Variants in AK5 observed in about 807,000 individuals in gnomAD.
AK5 encodes the protein adenylate kinase isoenzyme 5.
In AK5, 27 loss-of-function variants were observed where a neutral mutation model predicts 69.5. The ratio of observed to expected loss-of-function variants is 0.39; its 90% CI spans 0.29 to 0.54. The LOEUF is 0.54. Ranked by LOEUF, AK5 falls within the 20% of genes least tolerant of loss-of-function variation. AK5 has a pLI of 0.71. For missense variants in AK5, 531 were observed against 700.4 expected (o/e 0.76, Z 2.73); for synonymous variants, 260 against 244.4 (o/e 1.06, Z -0.60).
chr1:77,489,693 A>C (rs1311696734), intron 10 of AK5, among the ~76,000 whole-genome samples: 1 of 152,230 alleles, frequency 6.6e-6, no homozygotes, highest in African/African-American at 2.4e-5. Flanking sequence ...CTAGGTTGAC[A>C]TCCTCACTAT....
rs192246757 is a variant in AK5, at chr1:77,518,794, A to G, written c.1311+67A>G. 8 of 1,501,854 alleles carry G rather than the reference A, an allele frequency of 5.3e-6. No individual in the cohort carries two copies. In the African/African-American group the frequency reaches 7.0e-5, roughly 13 times the overall value. 93.0% of individuals were successfully genotyped at this position (1,501,854 alleles called of 1,614,324 possible). ...TGGGGAGACCTTTGGGGTTTTTGTA[A>G]TGAATCTGAGCTGCTGGAACTAAGA... On this transcript the variant is annotated intron_variant, in intron 11 of 13. Coordinates refer to ENST00000354567, the MANE Select transcript of AK5 (RefSeq NM_174858.3).
At position 77,297,677 on chromosome 1, in the gene AK5, G is replaced by A. The variant is rs758239403; in HGVS notation, c.534G>A (p.Arg178=). 1 of 1,613,902 alleles carries A rather than the reference G, an allele frequency of 6.2e-7. No homozygotes were observed. Among genetic ancestry groups the A allele is most frequent in the South Asian group, 1.1e-5 (1 of 91,012 alleles). The change falls in exon 4 of 14, where the codon AGG becomes AGA. Residue 178 remains arginine, a synonymous_variant. Coordinates refer to ENST00000354567, the MANE Select transcript of AK5 (RefSeq NM_174858.3). ...AGATCCACAGTACCAGCAGCAATAG[G>A]AAATGGAGTCTTATTGCCAAGATAA... ...RKKIHSTSSN[R]KWSLIAKIIT...
At chr1:77,300,083 TA>T (rs1374708900) in intron 5 of AK5, among the ~76,000 whole-genome samples, 1 of 152,156 alleles carries the variant, frequency 6.6e-6, no homozygotes, top group Non-Finnish European at 1.5e-5. Flanking sequence ...TAAGGTGGTG[TA>T]TCAGAATCCT....
chr1:77,400,216 C>T (rs1019285709), intron 6 of AK5, among the ~76,000 whole-genome samples: 1 of 152,168 alleles, frequency 6.6e-6, no homozygotes, highest in Non-Finnish European at 1.5e-5. Flanking sequence ...TCTGCAAGTG[C>T]CCAGCTAAGA....
At chr1:77,369,616 A>G (rs1309448303) in intron 6 of AK5, among the ~76,000 whole-genome samples, 1 of 152,170 alleles carries the variant, frequency 6.6e-6, no homozygotes, top group African/African-American at 2.4e-5. Flanking sequence ...TGGCCTCTTT[A>G]TATAATCCGA....
At chr1:77,377,870 CT>C (rs1169209079) in intron 6 of AK5, among the ~76,000 whole-genome samples, 1 of 152,146 alleles carries the variant, frequency 6.6e-6, no homozygotes, top group Non-Finnish European at 1.5e-5. Flanking sequence ...GCCTTTTCCC[CT>C]AGGAGAATGC....
At chr1:77,288,689 TGAG>T (rs1490101455) in intron 2 of AK5, among the ~76,000 whole-genome samples, 2 of 152,220 alleles carry the variant, frequency 1.3e-5, no homozygotes, top group Non-Finnish European at 1.5e-5. Context: ...CCACTGCTGC[TGAG>T]AAGTAATGAG....
intron 7 of AK5, among the ~76,000 whole-genome samples, chr1:77,411,822 C>T (rs1298352120): frequency 6.6e-6 from 1 of 152,076 alleles, no homozygotes; most frequent in Non-Finnish European, 1.5e-5. Flanking sequence ...TTTGAAGCCA[C>T]CTAAGAGTAG....
chr1:77,392,339 G>T lies in AK5; in HGVS notation c.892-18642G>T, dbSNP rs542253468. Among the ~76,000 whole-genome samples, 3 of 152,162 alleles carry T rather than the reference G, an allele frequency of 2.0e-5. No homozygotes were observed. In the South Asian group the frequency reaches 6.2e-4, roughly 32 times the overall value. On this transcript the variant is annotated intron_variant, in intron 6 of 13. Coordinates refer to ENST00000354567, the MANE Select transcript of AK5 (RefSeq NM_174858.3). ...TGAGGCCTTTTTAATGAGTTGCTTAGCTCTTCTTCAGGGTAATTACTGATT... is the reference window on the plus strand; with the variant it reads ...TGAGGCCTTTTTAATGAGTTGCTTATCTCTTCTTCAGGGTAATTACTGATT...
chr1:77,401,022 A>G lies in AK5; in HGVS notation c.892-9959A>G, dbSNP rs758345969. Among the ~76,000 whole-genome samples the G allele has an allele frequency of 5.6e-4, 84 of 150,992 alleles. 1 individual carries two copies. Among genetic ancestry groups the G allele is most frequent in the Middle Eastern group, 3.5e-3 (1 of 286 alleles). Reference sequence around the variant, plus strand: ...GAATTCTCATCAAAACATGGGACTGACTCTACTTTCTCAGAGAATTGTTCC... The same window carrying G: ...GAATTCTCATCAAAACATGGGACTGGCTCTACTTTCTCAGAGAATTGTTCC... On this transcript the variant is annotated intron_variant, in intron 6 of 13. Coordinates refer to ENST00000354567, the MANE Select transcript of AK5 (RefSeq NM_174858.3).
intron 8 of AK5, among the ~76,000 whole-genome samples, chr1:77,471,587 T>G (rs1257762214): frequency 6.6e-6 from 1 of 152,200 alleles, no homozygotes; most frequent in African/African-American, 2.4e-5. Context: ...TGGAGTAGTA[T>G]GGAGTTTCAT....
At chr1:77,353,002 A>G (rs1273143854) in intron 6 of AK5, among the ~76,000 whole-genome samples, 1 of 152,146 alleles carries the variant, frequency 6.6e-6, no homozygotes, top group African/African-American at 2.4e-5. Context: ...CTTCTCAGAG[A>G]TTCTTCAAGT....
intron 5 of AK5, among the ~76,000 whole-genome samples, chr1:77,319,494 A>T (rs2100319552): frequency 6.6e-6 from 1 of 152,278 alleles, no homozygotes; most frequent in Middle Eastern, 3.4e-3. Flanking sequence ...TTGTTCAATG[A>T]CTGTGTCTTC....
chr1:77,293,164 G>C (rs181051411), intron 2 of AK5, among the ~76,000 whole-genome samples: 1 of 152,240 alleles, frequency 6.6e-6, no homozygotes, highest in Admixed American at 6.5e-5. Context: ...GGAATTGTTT[G>C]CACCCTCCTA....
At chr1:77,450,253 T>C (rs1036829283) in intron 8 of AK5, among the ~76,000 whole-genome samples, 4 of 152,184 alleles carry the variant, frequency 2.6e-5, no homozygotes, top group African/African-American at 9.7e-5. Flanking sequence ...TTTCCTGTCT[T>C]CTTCTGAGCC....
intron 5 of AK5, among the ~76,000 whole-genome samples, chr1:77,326,057 T>C (rs999537319): frequency 6.6e-6 from 1 of 152,178 alleles, no homozygotes; most frequent in Non-Finnish European, 1.5e-5. Context: ...TAAAGATATA[T>C]TATCAAATTA....
At chr1:77,296,850 G>A (rs923065757) in intron 3 of AK5, among the ~76,000 whole-genome samples, 1 of 152,116 alleles carries the variant, frequency 6.6e-6, no homozygotes, top group African/African-American at 2.4e-5. Flanking sequence ...TATTTCCTCT[G>A]TATATGGATA....
At chr1:77,415,862 C>T (rs1180307050) in intron 7 of AK5, among the ~76,000 whole-genome samples, 3 of 152,180 alleles carry the variant, frequency 2.0e-5, no homozygotes, top group Admixed American at 6.5e-5. Context: ...GTCTCAGGCA[C>T]TTTCTACATG....
At chr1:77,294,140 T>C (rs1179473) in intron 3 of AK5, among the ~76,000 whole-genome samples, 180 bp downstream of exon 3, 4,037 of 152,322 alleles carry the variant, frequency 0.027, 192 homozygotes, top group African/African-American at 0.093. Context: ...ATAGAAATTG[T>C]TATAATTATA....
Sources: allele counts gnomAD v4.1 joint callset (sites outside exome capture counted in the v4.1 genomes callset), GRCh38; gene constraint gnomAD v4.1.1; transcripts MANE v1.5; gene names NCBI Gene and HGNC (gene_info 2026-07-23, HGNC 2026-07-21).